ADGRL3: variants seen among roughly 807,000 people sequenced by gnomAD.
The protein encoded by ADGRL3 is adhesion G protein-coupled receptor L3.
ADGRL3 carries 62 observed loss-of-function variants against 153.5 expected under a neutral mutation model. That is an observed-to-expected ratio of 0.40 (90% confidence interval 0.33 to 0.50). ADGRL3 has a LOEUF of 0.50. Ranked by LOEUF, ADGRL3 falls within the 20% of genes least tolerant of loss-of-function variation. The pLI is 0.47. For missense variants in ADGRL3, 1,641 were observed against 1,859.4 expected (o/e 0.88, Z 2.16); for synonymous variants, 710 against 672.5 (o/e 1.06, Z -0.86).
chr4:61,288,847 A>C (rs1378528976), intron 1 of ADGRL3, among the ~76,000 whole-genome samples: 1 of 151,950 alleles, frequency 6.6e-6, no homozygotes, highest in Non-Finnish European at 1.5e-5. Flanking sequence ...AGCGGTTCTA[A>C]ATTTTTAGGA....
intron 2 of ADGRL3, among the ~76,000 whole-genome samples, chr4:61,476,478 G>T (rs2098055641): frequency 6.6e-6 from 1 of 151,868 alleles, no homozygotes; most frequent in African/African-American, 2.4e-5. Flanking sequence ...GGCCAAGGTG[G>T]GTGGATCACC....
chr4:61,407,494 T>G (rs981531091), intron 2 of ADGRL3, among the ~76,000 whole-genome samples: 6 of 152,130 alleles, frequency 3.9e-5, no homozygotes, highest in African/African-American at 7.2e-5. Flanking sequence ...TCTCACAAAT[T>G]TTCTGTATTC....
In ADGRL3 at chr4:62,070,742, A is replaced by G. The variant is rs1023892489; in HGVS notation, c.4466A>G (p.Tyr1489Cys). The G allele has an allele frequency of 5.2e-6, 8 of 1,551,652 alleles. No individual in the cohort carries two copies. Among genetic ancestry groups the G allele is most frequent in the Non-Finnish European group, 7.0e-6 (8 of 1,146,968 alleles). The change falls in exon 27 of 27, where the codon TAC becomes TGC. Residue 1489 changes from tyrosine (Y) to cysteine (C), a missense_variant. By Grantham distance (194) the Tyr-to-Cys change is radical. Coordinates refer to ENST00000683033, the MANE Select transcript of ADGRL3 (RefSeq NM_001387552.1). Reference protein sequence around the residue: ...AKCGDAEDVYYKSMPNLGSRN... With the variant: ...AKCGDAEDVYCKSMPNLGSRN... ...TGTGGTGATGCCGAAGATGTTTACT[A>G]CAAAAGCATGCCAAACCTAGGCTCC...
chr4:61,960,030 A>G (rs1277515981), intron 17 of ADGRL3, among the ~76,000 whole-genome samples: 1 of 152,218 alleles, frequency 6.6e-6, no homozygotes, highest in Non-Finnish European at 1.5e-5. Flanking sequence ...ACCTCAAAAT[A>G]TAGAAAATTT....
intron 2 of ADGRL3, among the ~76,000 whole-genome samples, chr4:61,449,831 A>G (rs932746775): frequency 9.8e-5 from 15 of 152,304 alleles, no homozygotes; most frequent in East Asian, 1.9e-4. Context: ...GACACACTTA[A>G]TATTAGTCAA....
Position 61,991,338 on chromosome 4 carries a change from T to C in ADGRL3, c.3237-4953T>C, listed in dbSNP as rs1347796691. Among the ~76,000 whole-genome samples, 3 of 152,034 alleles carry C rather than the reference T, an allele frequency of 2.0e-5. No individual in the cohort carries two copies. The East Asian group carries it at 5.8e-4, about 29-fold the overall frequency. ...TGTCACGGGGGCTTCTTGTACACAA[T>C]TCTTATGATATCATCTTCTACTAAG... On this transcript the variant is annotated intron_variant, in intron 19 of 26. Coordinates refer to ENST00000683033, the MANE Select transcript of ADGRL3 (RefSeq NM_001387552.1).
At chr4:61,880,371 A>G (rs1463320526) in intron 9 of ADGRL3, among the ~76,000 whole-genome samples, 4 of 152,190 alleles carry the variant, frequency 2.6e-5, no homozygotes, top group Non-Finnish European at 5.9e-5. Flanking sequence ...TATTATGATG[A>G]CTAAAAATAT....
At chr4:62,016,294 C>T (rs2099211426) in intron 21 of ADGRL3, among the ~76,000 whole-genome samples, 2 of 151,948 alleles carry the variant, frequency 1.3e-5, no homozygotes, top group Admixed American at 1.3e-4. Flanking sequence ...TGATCTGCCC[C>T]CCTCGGCCTC....
At chr4:61,915,169 T>G (rs112030419) in intron 13 of ADGRL3, among the ~76,000 whole-genome samples, 2,227 of 151,290 alleles carry the variant, frequency 0.015, 54 homozygotes, top group African/African-American at 0.05. Flanking sequence ...ATGAATCTTT[T>G]TGTATAAGAA....
At chr4:61,477,909 T>C (rs1049820393) in intron 2 of ADGRL3, among the ~76,000 whole-genome samples, 3 of 152,108 alleles carry the variant, frequency 2.0e-5, no homozygotes, top group Non-Finnish European at 4.4e-5. Flanking sequence ...AAGTATTACA[T>C]TTCTCATCTT....
chr4:61,996,463 T>C (rs1320390631), intron 20 of ADGRL3, 106 bp downstream of exon 20: 1 of 760,740 alleles, frequency 1.3e-6, no homozygotes, highest in African/African-American at 1.7e-5. Flanking sequence ...GGGGAAAGCA[T>C]GTACTTATTT....
At chr4:61,315,650 C>T (rs2150626303) in intron 1 of ADGRL3, among the ~76,000 whole-genome samples, 1 of 152,282 alleles carries the variant, frequency 6.6e-6, no homozygotes, top group South Asian at 2.1e-4. Flanking sequence ...TTACCTCCAA[C>T]TCCTGGAAAC....
intron 11 of ADGRL3, among the ~76,000 whole-genome samples, chr4:61,901,798 C>T (rs1260042676): frequency 6.6e-6 from 1 of 152,096 alleles, no homozygotes. Context: ...TTAACTAAAG[C>T]TACTGGGTTT....
intron 17 of ADGRL3, among the ~76,000 whole-genome samples, chr4:61,963,666 A>G (rs940166732): frequency 3.3e-5 from 5 of 152,182 alleles, no homozygotes; most frequent in African/African-American, 1.2e-4. Context: ...TCCACCATTA[A>G]TGGGCATCTA....
intron 3 of ADGRL3, among the ~76,000 whole-genome samples, chr4:61,507,993 A>G (rs2098441069): frequency 6.6e-6 from 1 of 152,138 alleles, no homozygotes; most frequent in Non-Finnish European, 1.5e-5. Context: ...GTTTTTTGTT[A>G]CCATGAACTT....
At chr4:61,371,654 A>G (rs62314373) in intron 1 of ADGRL3, among the ~76,000 whole-genome samples, 21 of 151,618 alleles carry the variant, frequency 1.4e-4, no homozygotes, top group South Asian at 8.4e-4. Flanking sequence ...CTCTCTGGCT[A>G]CCCTTAACAT....
At position 62,070,645 on chromosome 4, in the gene ADGRL3, C is replaced by A; in HGVS notation, c.4369C>A (p.Pro1457Thr). Residue 1457 changes from proline to threonine, a missense_variant, in exon 27 of 27, where the codon CCG (proline) becomes ACG (threonine). This residue lies in a region of ADGRL3 where 517 missense variants were observed against 555.0 expected (regional missense o/e 0.93). Coordinates refer to ENST00000683033, the MANE Select transcript of ADGRL3 (RefSeq NM_001387552.1). ...PHRDSLYTSM[P>T]TLAGVAATES... is the part of the protein sequence containing the mutation. The stretch of plus-strand genomic sequence containing the variant: ...TAGAGACTCTCTCTATACCAGCATG[C>A]CGACACTGGCTGGTGTGGCCGCCAC... The A allele has an allele frequency of 6.4e-7, 1 of 1,551,544 alleles. No individual in the cohort carries two copies. Among genetic ancestry groups the A allele is most frequent in the Non-Finnish European group, 8.7e-7 (1 of 1,146,980 alleles).
intron 6 of ADGRL3, among the ~76,000 whole-genome samples, chr4:61,718,143 G>A (rs1456488718): frequency 1.3e-5 from 2 of 152,072 alleles, no homozygotes; most frequent in African/African-American, 4.8e-5. Flanking sequence ...GGGGTTTTTT[G>A]TAATTAGAAT....
chr4:61,644,708 A>G (rs919266735), intron 5 of ADGRL3, among the ~76,000 whole-genome samples: 3 of 152,154 alleles, frequency 2.0e-5, no homozygotes, highest in African/African-American at 7.2e-5. Flanking sequence ...ACTTCCAAGT[A>G]TGTGGTCAAT....
Sources: gnomAD v4.1 joint callset for allele counts (sites outside exome capture counted in the v4.1 genomes callset) on GRCh38, gnomAD v4.1.1 for gene constraint, gnomAD v4.1.1 regional missense constraint, MANE v1.5 for transcripts, NCBI Gene and HGNC (gene_info 2026-07-23, HGNC 2026-07-21) for gene names.